The following VPS37A variants were observed in gnomAD, a reference collection of about 807,000 sequenced individuals.
VPS37A encodes the protein VPS37A subunit of ESCRT-I, also known as vacuolar protein sorting-associated protein 37A.
A neutral mutation model predicts 49.8 loss-of-function variants in VPS37A; 30 were observed. The observed-to-expected ratio is 0.60, with a 90% CI of 0.45 to 0.82. The LOEUF is 0.82. VPS37A is among the 40% of genes least tolerant of loss of function. The probability of loss-of-function intolerance (pLI) is 0.00; values close to 1 mark genes in which losing one functional copy is unlikely to be tolerated. For missense variants in VPS37A, 593 were observed against 464.4 expected (o/e 1.28, Z -2.55); for synonymous variants, 195 against 160.6 (o/e 1.21, Z -1.62).
At chr8:17,292,479 T>C (rs1451028981) in intron 11 of VPS37A, among the ~76,000 whole-genome samples, 1 of 152,228 alleles carries the variant, frequency 6.6e-6, no homozygotes, top group African/African-American at 2.4e-5. Context: ...AATATTGTTA[T>C]GTGTGAATTT....
At chr8:17,283,414 C>G (rs1247431915) in intron 9 of VPS37A, among the ~76,000 whole-genome samples, 1 of 152,128 alleles carries the variant, frequency 6.6e-6, no homozygotes, top group African/African-American at 2.4e-5. Context: ...CCTCAGGCTC[C>G]CACAGTGCTG....
At chr8:17,306,969 A>G (rs1377463185), downstream of VPS37A, among the ~76,000 whole-genome samples, 1 of 152,216 alleles carries the variant, frequency 6.6e-6, no homozygotes, top group Non-Finnish European at 1.5e-5. Context: ...CATTCAGGAC[A>G]TAGGCATGGG....
chr8:17,325,461 G>A, the VPS37A span, among the ~76,000 whole-genome samples: 1 of 152,168 alleles, frequency 6.6e-6, no homozygotes, highest in African/African-American at 2.4e-5. Flanking sequence ...CATCATGTCA[G>A]GGAACATTTT....
At chr8:17,304,746 C>CGTGTGTGTGTGTGTGTGTGT (rs10527892), downstream of VPS37A, among the ~76,000 whole-genome samples, 8,332 of 147,002 alleles carry the variant, frequency 0.057, 339 homozygotes, top group African/African-American at 0.099. Flanking sequence ...GTGTTCGATT[C>CGTGTGTGTGTGTGTGTGTGT]GTGTGTGTGT....
chr8:17,248,243 T>C (rs1225852214), intron 1 of VPS37A: 1 of 435,490 alleles, frequency 2.3e-6, no homozygotes, highest in East Asian at 7.0e-5. Flanking sequence ...GATGACAACA[T>C]TGTTAAGTCC....
At chr8:17,280,208 C>T (rs1312156571) in intron 7 of VPS37A, 31 bp from the exon 8 acceptor site, 29 of 1,611,534 alleles carry the variant, frequency 1.8e-5, no homozygotes, top group South Asian at 8.8e-5. Context: ...CTCATCTTTA[C>T]CTAGAAGTAA....
At chr8:17,262,975 C>T (rs920535136) in intron 1 of VPS37A, among the ~76,000 whole-genome samples, 32 of 150,542 alleles carry the variant, frequency 2.1e-4, no homozygotes, top group Non-Finnish European at 4.0e-4. Context: ...GCAGGAGAAT[C>T]GGTTGAACCC....
intron 2 of VPS37A, among the ~76,000 whole-genome samples, chr8:17,267,467 T>TTTTGTGTG (rs1554491549): frequency 0.012 from 1,803 of 151,424 alleles, 14 homozygotes; most frequent in Middle Eastern, 0.027. Context: ...AAATTTCTGC[T>TTTTGTGTG]TGTGTGTGTG....
chr8:17,289,027 G>A (rs1166743373), intron 11 of VPS37A, among the ~76,000 whole-genome samples: 1 of 151,902 alleles, frequency 6.6e-6, no homozygotes, highest in Non-Finnish European at 1.5e-5. Context: ...TTATGAAACT[G>A]TTCATATCCT....
intron 1 of VPS37A, among the ~76,000 whole-genome samples, chr8:17,263,717 G>T (rs1813174364): frequency 6.6e-6 from 1 of 152,178 alleles, no homozygotes; most frequent in Non-Finnish European, 1.5e-5. Flanking sequence ...GCCAAGGCAG[G>T]TGGATCGCTT....
At chr8:17,328,474 C>G in the VPS37A span, among the ~76,000 whole-genome samples, 1 of 152,032 alleles carries the variant, frequency 6.6e-6, no homozygotes, top group Non-Finnish European at 1.5e-5. Context: ...GAATAGAAAA[C>G]CAAGCACCAC....
chr8:17,250,613 C>T (rs77522836), intron 1 of VPS37A, among the ~76,000 whole-genome samples: 53 of 152,194 alleles, frequency 3.5e-4, no homozygotes, highest in African/African-American at 1.3e-3. Flanking sequence ...CTTTCTCTAC[C>T]CCATTCTGTC....
At chr8:17,307,662 T>A in the VPS37A span, among the ~76,000 whole-genome samples, 1 of 152,096 alleles carries the variant, frequency 6.6e-6, no homozygotes, top group Non-Finnish European at 1.5e-5. Context: ...ATAGCCTGGA[T>A]TAAGAAAATG....
chr8:17,304,239 T>G, downstream of VPS37A: 1 of 869,330 alleles, frequency 1.2e-6, no homozygotes, highest in East Asian at 2.7e-5. Flanking sequence ...AGATCAGATA[T>G]TCAAGCATCT....
chr8:17,320,207 A>G, the VPS37A span, among the ~76,000 whole-genome samples: 1 of 152,174 alleles, frequency 6.6e-6, no homozygotes, highest in East Asian at 1.9e-4. Flanking sequence ...TAAAATTCCA[A>G]ATGTTTTCTG....
chr8:17,333,167 T>C, the VPS37A span, among the ~76,000 whole-genome samples: 1 of 152,190 alleles, frequency 6.6e-6, no homozygotes, highest in Admixed American at 6.5e-5. Flanking sequence ...CTCAGGACAC[T>C]GTTCCCATCC....
the VPS37A span, among the ~76,000 whole-genome samples, chr8:17,316,234 C>T: frequency 6.6e-6 from 1 of 151,520 alleles, no homozygotes; most frequent in Non-Finnish European, 1.5e-5. Context: ...TTATGTTAGC[C>T]CTTATTACTA....
the VPS37A span, among the ~76,000 whole-genome samples, chr8:17,324,461 T>C: frequency 6.6e-6 from 1 of 152,208 alleles, no homozygotes; most frequent in African/African-American, 2.4e-5. Flanking sequence ...CTGGAATCCA[T>C]TCCACCGCAC....
chr8:17,317,230 A>C, the VPS37A span, among the ~76,000 whole-genome samples: 1 of 152,166 alleles, frequency 6.6e-6, no homozygotes, highest in African/African-American at 2.4e-5. Context: ...AGCAAGACAC[A>C]GGATGCTGGC....
Sources: allele counts gnomAD v4.1 joint callset (sites outside exome capture counted in the v4.1 genomes callset), GRCh38; gene constraint gnomAD v4.1.1; transcripts MANE v1.5; gene names NCBI Gene and HGNC (gene_info 2026-07-23, HGNC 2026-07-21).